Variants in KDM8 observed in about 807,000 individuals in gnomAD.
KDM8 encodes the protein lysine demethylase 8, also known as bifunctional peptidase and arginyl-hydroxylase JMJD5.
KDM8 carries 35 observed loss-of-function variants against 46.9 expected under a neutral mutation model. The ratio of observed to expected loss-of-function variants is 0.75; its 90% CI spans 0.57 to 0.99. The LOEUF (loss-of-function observed/expected upper bound fraction) is 0.99. Ranked by LOEUF, KDM8 falls within the 50% of genes least tolerant of loss-of-function variation. KDM8 has a pLI of 0.00. For missense variants in KDM8, 475 were observed against 537.0 expected, an observed-to-expected ratio of 0.88 and a Z score of 1.14; for synonymous variants, 232 against 227.7, an observed-to-expected ratio of 1.02 and a Z score of -0.17.
At chr16:27,214,358 T>C (rs1453471650) in intron 3 of KDM8, 1 of 158,300 alleles carries the variant, frequency 6.3e-6, no homozygotes, top group Non-Finnish European at 1.4e-5. Context: ...CAAGGCTTCA[T>C]TAAGCATTTT....
At chr16:27,209,970 T>C (rs997208962) in intron 1 of KDM8, 123 bp from the exon 2 acceptor site, 41 of 1,047,112 alleles carry the variant, frequency 3.9e-5, no homozygotes, top group Non-Finnish European at 5.4e-5. Flanking sequence ...CTCCAGAGCT[T>C]CTGCCCAACA....
rs2083629412 is a variant in KDM8 at position 27,221,623 on chromosome 16, CA to C, written c.*894del. On this transcript the variant is annotated 3_prime_UTR_variant, in exon 8 of 8. Coordinates refer to ENST00000286096, the MANE Select transcript of KDM8 (RefSeq NM_024773.3). ...CTCTCAAACCTGGGGGATTTGAGGC[CA>C]GGGGGAGAGCCAGGCTCTATGCTTT... 2.0e-5 allele frequency: 3 copies of C among 152,244 alleles called. No individual in the cohort carries two copies. The highest frequency in any genetic ancestry group is 7.2e-5 in the African/African-American group (3 of 41,442). 9.4% of individuals were successfully genotyped at this position (152,244 alleles called of 1,614,324 possible). A position where few individuals can be genotyped will look rare whatever the true frequency, so the allele number is the denominator to read the frequency against.
intron 4 of KDM8, 27 bp downstream of exon 4, chr16:27,215,035 A>G: frequency 6.2e-7 from 1 of 1,612,228 alleles, no homozygotes; most frequent in South Asian, 1.1e-5. Context: ...GCTTTCCCCT[A>G]GTACTTGCAA....
At chr16:27,212,092 C>T (rs1191682242) in intron 2 of KDM8, among the ~76,000 whole-genome samples, 2 of 152,054 alleles carry the variant, frequency 1.3e-5, no homozygotes, top group East Asian at 1.9e-4. Flanking sequence ...ATCTCTATTA[C>T]GTAAGGAATG....
intron 6 of KDM8, among the ~76,000 whole-genome samples, chr16:27,219,741 A>AT (rs1311928890): frequency 6.6e-6 from 1 of 152,212 alleles, no homozygotes; most frequent in Non-Finnish European, 1.5e-5. Context: ...TGGGCAGCTC[A>AT]TTTAATCTCT....
At chr16:27,219,753 T>C (rs1222299746) in intron 6 of KDM8, among the ~76,000 whole-genome samples, 1 of 152,214 alleles carries the variant, frequency 6.6e-6, no homozygotes, top group East Asian at 1.9e-4. Flanking sequence ...TTAATCTCTC[T>C]GTGCTTCAGT....
intron 1 of KDM8, among the ~76,000 whole-genome samples, chr16:27,209,343 T>C (rs1373352970): frequency 1.3e-5 from 2 of 152,232 alleles, no homozygotes; most frequent in Non-Finnish European, 2.9e-5. Flanking sequence ...CCACCACCTT[T>C]AATCTCCTGA....
chr16:27,214,804 A>G (rs1355625048), intron 3 of KDM8, 72 bp from the exon 4 acceptor site: 24 of 1,556,400 alleles, frequency 1.5e-5, no homozygotes, highest in Non-Finnish European at 2.0e-5. Context: ...AGGGGACCAC[A>G]TGCAAAGCAC....
intron 2 of KDM8, chr16:27,211,774 G>A (rs1412246429): frequency 1.3e-5 from 2 of 152,090 alleles, no homozygotes; most frequent in Admixed American, 1.3e-4. Context: ...TGCCTCCCAG[G>A]TTCAAATGAT....
intron 6 of KDM8, chr16:27,220,178 A>G: frequency 1.7e-6 from 1 of 572,024 alleles, no homozygotes; most frequent in East Asian, 3.0e-5. Context: ...CCATGATCGT[A>G]CCACTGCACT....
chr16:27,210,783 A>G (rs1043337414), intron 2 of KDM8, among the ~76,000 whole-genome samples, 162 bp downstream of exon 2: 1 of 152,154 alleles, frequency 6.6e-6, no homozygotes, highest in Admixed American at 6.5e-5. Flanking sequence ...TGTTTTTGGA[A>G]GCAGGGTCCC....
rs534199268 is a variant in KDM8, at chr16:27,215,759, C to A, written c.799-186C>A. Among the ~76,000 whole-genome samples the A allele has an allele frequency of 5.5e-4, 84 of 152,208 alleles. 2 individuals are homozygous for A. The South Asian group carries it at 0.016, about 29-fold the overall frequency. The stretch of plus-strand genomic sequence containing the variant: ...AGATCAGTGCTTTACAAACTGGGTA[C>A]CCCGGTGCTGGAGAGGTTCTTTGAA... On this transcript the variant is annotated intron_variant, in intron 4 of 7. Transcript: ENST00000286096.
intron 1 of KDM8, among the ~76,000 whole-genome samples, chr16:27,208,418 G>A (rs192950638): frequency 5.9e-5 from 9 of 152,214 alleles, no homozygotes; most frequent in Admixed American, 2.0e-4. Context: ...TACAAAGCCC[G>A]TAATCTGCAT....
At chr16:27,204,219 GA>G in intron 1 of KDM8, 1 of 1,443,770 alleles carries the variant, frequency 6.9e-7, no homozygotes, top group Non-Finnish European at 9.1e-7. Context: ...CTGCCCTAAG[GA>G]AAGGTGCTTG....
intron 1 of KDM8, among the ~76,000 whole-genome samples, chr16:27,205,391 G>A (rs1435890088): frequency 1.3e-5 from 2 of 152,086 alleles, no homozygotes; most frequent in African/African-American, 4.8e-5. Flanking sequence ...GCATTTAGGG[G>A]CTGAATCAAG....
chr16:27,203,790 C>T (rs1194020760), intron 1 of KDM8, 154 bp downstream of exon 1: 5 of 354,064 alleles, frequency 1.4e-5, no homozygotes, highest in Non-Finnish European at 2.6e-5. Flanking sequence ...GCTCGAGTTG[C>T]CGCATGCGCT....
chr16:27,217,521 T>G (rs1485690231), intron 5 of KDM8, among the ~76,000 whole-genome samples: 1 of 152,174 alleles, frequency 6.6e-6, no homozygotes, highest in Non-Finnish European at 1.5e-5. Context: ...CTCACAGCCC[T>G]GGGAGGGACC....
At chr16:27,206,214 T>G (rs2140960913) in intron 1 of KDM8, 1 of 984,440 alleles carries the variant, frequency 1.0e-6, no homozygotes. Context: ...CACATCTTAT[T>G]CTTGACTCCC....
At chr16:27,215,801 T>C (rs7405158) in intron 4 of KDM8, 144 bp from the exon 5 acceptor site, 312,552 of 819,038 alleles carry the variant, frequency 0.38, 60,635 homozygotes, top group African/African-American at 0.43. Flanking sequence ...CCAGGGCCTC[T>C]AAGGGTTGGA....
Sources: allele counts gnomAD v4.1 joint callset (sites outside exome capture counted in the v4.1 genomes callset), GRCh38; gene constraint gnomAD v4.1.1; transcripts MANE v1.5; gene names NCBI Gene and HGNC (gene_info 2026-07-23, HGNC 2026-07-21).